Variants in PCDHGA1 observed in about 807,000 individuals in gnomAD.
PCDHGA1 encodes the protein protocadherin gamma-A1.
Under a neutral mutation model 58.0 loss-of-function variants are expected in PCDHGA1, and 32 were observed. The observed-to-expected ratio is 0.55, with a 90% CI of 0.42 to 0.74. The LOEUF (loss-of-function observed/expected upper bound fraction) is 0.74, where lower values mean the gene tolerates loss of function less well. Among genes scored for constraint, PCDHGA1 ranks in the 30% least tolerant of loss-of-function variants. PCDHGA1 has a pLI of 0.00. For synonymous variants in PCDHGA1, 498 were observed against 501.1 expected, an observed-to-expected ratio of 0.99 and a Z score of 0.08; for missense variants, 1,205 against 1,182.3, an observed-to-expected ratio of 1.02 and a Z score of -0.28.
intron 1 of PCDHGA1, chr5:141,408,616 A>C (rs1242634693): frequency 6.2e-7 from 1 of 1,614,052 alleles, no homozygotes. Flanking sequence ...AAAAGGAAAT[A>C]CATTTAGAAA....
intron 1 of PCDHGA1, chr5:141,343,748 G>A (rs1757318333): frequency 5.9e-6 from 2 of 336,150 alleles, no homozygotes; most frequent in Non-Finnish European, 1.1e-5. Flanking sequence ...TAATGTGTCT[G>A]AGAGGATGCA....
chr5:141,463,446 T>TC, intron 1 of PCDHGA1, among the ~76,000 whole-genome samples: 1 of 125,012 alleles, frequency 8.0e-6, no homozygotes, highest in Non-Finnish European at 1.7e-5. Flanking sequence ...TCCTTTTTTT[T>TC]TTTTTTTTTT....
Position 141,485,790 on chromosome 5 carries a change from C to G in PCDHGA1, c.2422-9017C>G. 6.2e-7 allele frequency: 1 copy of G among 1,614,204 alleles called. No homozygotes were observed. The highest frequency in any genetic ancestry group is 8.5e-7 in the Non-Finnish European group (1 of 1,180,032). ...AAGCCTTTGGATCGAGAGAAGCAAT[C>G]GGACTACCGCCTGGTGCTGACTGCT... On this transcript the variant is annotated intron_variant, in intron 1 of 3. Transcript: ENST00000517417. This position sits in a 1 kb window ranked among gnomAD's most constrained non-coding sequence, Gnocchi z 5.7.
chr5:141,441,036 A>G (rs2098219746), intron 1 of PCDHGA1: 1 of 152,216 alleles, frequency 6.6e-6, no homozygotes, highest in South Asian at 2.1e-4. Context: ...TGAAAACTTT[A>G]AGTACATTGG....
intron 1 of PCDHGA1, chr5:141,351,064 G>A: frequency 6.2e-7 from 1 of 1,614,060 alleles, no homozygotes; most frequent in Non-Finnish European, 8.5e-7. Context: ...ACCAGGATGA[G>A]GGCATTAATG....
chr5:141,418,372 A>T (rs771262387), intron 1 of PCDHGA1: 25 of 1,613,968 alleles, frequency 1.5e-5, no homozygotes, highest in Non-Finnish European at 2.1e-5. Flanking sequence ...GCAAATACCA[A>T]CTAAGTCCTA....
intron 1 of PCDHGA1, chr5:141,366,767 C>T (rs1286412324): frequency 5.0e-6 from 8 of 1,601,956 alleles, no homozygotes; most frequent in East Asian, 4.5e-5. Flanking sequence ...TTTTCTCTTT[C>T]GGTAAGGATG....
rs780788394 is a variant in PCDHGA1 at position 141,491,675 on chromosome 5, C to T, written c.2422-3132C>T. ...GAGCCTGACGCCATCCGGTCCCGCT[C>T]TAATACGCTGCGGGAGCGGAGCCAG... On this transcript the variant is annotated intron_variant, in intron 1 of 3. Transcript: ENST00000517417. The surrounding 1 kb of genome is among the most constrained non-coding windows in gnomAD (Gnocchi z 6.9). 6 of 1,613,450 alleles carry T rather than the reference C, an allele frequency of 3.7e-6. No homozygotes were observed. The African/African-American group carries it at 8.0e-5, about 22-fold the overall frequency.
intron 1 of PCDHGA1, among the ~76,000 whole-genome samples, chr5:141,445,961 G>T (rs944876169): frequency 1.3e-5 from 2 of 152,158 alleles, no homozygotes; most frequent in Non-Finnish European, 2.9e-5. Context: ...GCTATATGGA[G>T]AATTGATTTA....
chr5:141,410,737 C>A, intron 1 of PCDHGA1: 1 of 1,295,554 alleles, frequency 7.7e-7, no homozygotes, highest in East Asian at 2.5e-5. Context: ...TAGCTTTTTA[C>A]AATATTTTCT....
At chr5:141,366,663 C>A in intron 1 of PCDHGA1, 2 of 1,614,242 alleles carry the variant, frequency 1.2e-6, no homozygotes, top group East Asian at 2.2e-5. Context: ...TACGCAGACA[C>A]GCTCCTTAGT....
At chr5:141,355,647 G>A (rs750226328) in intron 1 of PCDHGA1, 8 of 1,613,846 alleles carry the variant, frequency 5.0e-6, no homozygotes, top group African/African-American at 1.3e-5. Context: ...AAAATCCTGG[G>A]GCAAGATTTC....
chr5:141,489,085 G>A lies in PCDHGA1; in HGVS notation c.2422-5722G>A, dbSNP rs1347512723. The A allele has an allele frequency of 2.6e-5, 6 of 230,066 alleles. No homozygotes were observed. The South Asian group carries it at 4.3e-4, about 16-fold the overall frequency. 14.3% of individuals were successfully genotyped at this position (230,066 alleles called of 1,614,324 possible). A position where few individuals can be genotyped will look rare whatever the true frequency, so the allele number is the denominator to read the frequency against. Reference sequence around the variant, plus strand: ...TCCCCCCTGCCCACCCCCGCCACTCGGTGACTAAGAACTGCTGCAAGCAGG... The same window carrying A: ...TCCCCCCTGCCCACCCCCGCCACTCAGTGACTAAGAACTGCTGCAAGCAGG... On this transcript the variant is annotated intron_variant, in intron 1 of 3. Coordinates refer to ENST00000517417, the MANE Select transcript of PCDHGA1 (RefSeq NM_018912.3). The surrounding 1 kb of genome is among the most constrained non-coding windows in gnomAD (Gnocchi z 4.5).
chr5:141,417,839 C>A, intron 1 of PCDHGA1: 1 of 1,534,218 alleles, frequency 6.5e-7, no homozygotes, highest in South Asian at 1.2e-5. Flanking sequence ...AGCGGGGACC[C>A]AGCGAGAACC....
At chr5:141,381,798 CTCTT>C (rs372235829) in intron 1 of PCDHGA1, among the ~76,000 whole-genome samples, 40 of 144,168 alleles carry the variant, frequency 2.8e-4, no homozygotes, top group Non-Finnish European at 4.5e-4. Context: ...AGGCAATTCC[CTCTT>C]TCTTTCTTTC....
chr5:141,374,477 C>A lies in PCDHGA1; in HGVS notation c.2421+41372C>A, dbSNP rs376389009. 3 of 1,611,808 alleles carry A rather than the reference C, an allele frequency of 1.9e-6. No individual in the cohort carries two copies. In the East Asian group the frequency reaches 6.7e-5, roughly 36 times the overall value. ...AGTGGACATTAATGACAATACACCC[C>A]GATTCTTAAAGGAAGAATTGGAAGT... On this transcript the variant is annotated intron_variant, in intron 1 of 3. Transcript: ENST00000517417.
intron 1 of PCDHGA1, chr5:141,372,326 C>T (rs760968250): frequency 3.3e-5 from 54 of 1,613,610 alleles, no homozygotes; most frequent in Non-Finnish European, 4.3e-5. Context: ...GCCTGCTGGT[C>T]ACTGTGCGTG....
rs557311426 is a variant in PCDHGA1, at chr5:141,384,226, G to T, written c.2421+51121G>T. 56 of 1,613,860 alleles carry T rather than the reference G, an allele frequency of 3.5e-5. No homozygotes were observed. In the East Asian group the frequency reaches 1.2e-3, roughly 34 times the overall value. ...GGAAACTCACATATTCATGCAGGTGGCAGACACCAACGATAACCCACCCAC... is the reference window on the plus strand; with the variant it reads ...GGAAACTCACATATTCATGCAGGTGTCAGACACCAACGATAACCCACCCAC... On this transcript the variant is annotated intron_variant, in intron 1 of 3. Coordinates refer to ENST00000517417, the MANE Select transcript of PCDHGA1 (RefSeq NM_018912.3).
At chr5:141,497,983 C>T (rs2099780927) in intron 2 of PCDHGA1, among the ~76,000 whole-genome samples, 1 of 152,168 alleles carries the variant, frequency 6.6e-6, no homozygotes, top group African/African-American at 2.4e-5. Context: ...GTGGGAGGCC[C>T]CTGCCCTCAA....
Sources: allele counts gnomAD v4.1 joint callset (sites outside exome capture counted in the v4.1 genomes callset), GRCh38; gene constraint gnomAD v4.1.1; non-coding constraint Gnocchi (gnomAD v3.1); transcripts MANE v1.5; gene names NCBI Gene and HGNC (gene_info 2026-07-23, HGNC 2026-07-21).